Variants in CDH8 observed in about 807,000 individuals in gnomAD.
CDH8 encodes cadherin-8.
A neutral mutation model predicts 68.1 loss-of-function variants in CDH8; 17 were observed. The ratio of observed to expected loss-of-function variants is 0.25; its 90% CI spans 0.17 to 0.37. The LOEUF is 0.37. Among genes scored for constraint, CDH8 ranks in the 10% least tolerant of loss-of-function variants. CDH8 has a pLI of 1.00. For synonymous variants in CDH8, 372 were observed against 365.1 expected (o/e 1.02, Z -0.21); for missense variants, 763 against 999.3 (o/e 0.76, Z 3.19).
At chr16:61,656,695 G>A (rs980749735) in intron 10 of CDH8, among the ~76,000 whole-genome samples, 5 of 152,096 alleles carry the variant, frequency 3.3e-5, no homozygotes, top group African/African-American at 1.2e-4. Flanking sequence ...TGCAGGTGTC[G>A]GTTAATTATA....
intron 4 of CDH8, among the ~76,000 whole-genome samples, chr16:61,845,500 T>C (rs150954224): frequency 1.9e-5 from 2 of 108,004 alleles, no homozygotes; most frequent in Non-Finnish European, 3.9e-5. Context: ...TCTCCAGATA[T>C]GTAAAAAAAA....
At chr16:61,790,224 G>A (rs561821759) in intron 7 of CDH8, among the ~76,000 whole-genome samples, 9 of 152,124 alleles carry the variant, frequency 5.9e-5, no homozygotes, top group South Asian at 4.1e-4. Flanking sequence ...AAGAAAATAC[G>A]TGAGATGTGT....
At chr16:61,881,597 G>C (rs983648320) in intron 3 of CDH8, among the ~76,000 whole-genome samples, 3 of 152,152 alleles carry the variant, frequency 2.0e-5, no homozygotes, top group Non-Finnish European at 2.9e-5. Context: ...TACTGACTAA[G>C]GTAAATCAGG....
chr16:61,908,335 C>A (rs1964098013), intron 2 of CDH8, among the ~76,000 whole-genome samples: 2 of 152,074 alleles, frequency 1.3e-5, no homozygotes, highest in Admixed American at 1.3e-4. Context: ...TAGTTTTGGG[C>A]CCAAGTCTCC....
chr16:61,881,935 C>G (rs968311705), intron 3 of CDH8, among the ~76,000 whole-genome samples: 2 of 152,184 alleles, frequency 1.3e-5, no homozygotes, highest in South Asian at 2.1e-4. Context: ...TCCCAGGTAT[C>G]TAAGCATTTC....
At chr16:61,798,841 C>A (rs1253763990) in intron 7 of CDH8, among the ~76,000 whole-genome samples, 1 of 152,156 alleles carries the variant, frequency 6.6e-6, no homozygotes, top group East Asian at 1.9e-4. Flanking sequence ...AAAAATAGTT[C>A]TGTCTTGTTT....
intron 7 of CDH8, among the ~76,000 whole-genome samples, chr16:61,801,823 G>A (rs958829305): frequency 3.3e-5 from 5 of 152,292 alleles, no homozygotes; most frequent in Non-Finnish European, 5.9e-5. Flanking sequence ...CTACGCCCAC[G>A]GAGTCTCGCT....
intron 10 of CDH8, among the ~76,000 whole-genome samples, chr16:61,679,457 T>C (rs1159960925): frequency 6.6e-6 from 1 of 152,028 alleles, no homozygotes; most frequent in Non-Finnish European, 1.5e-5. Context: ...GCAATTAGCA[T>C]CTGTCAGACA....
At chr16:61,992,077 T>TGTGTGTGTGTGTGTGTGTGA (rs34925928) in intron 2 of CDH8, among the ~76,000 whole-genome samples, 21 of 144,246 alleles carry the variant, frequency 1.5e-4, no homozygotes, top group East Asian at 6.4e-4. Context: ...TGTGTGTGTG[T>TGTGTGTGTGTGTGTGTGTGA]GAGAGAGAGA....
intron 2 of CDH8, among the ~76,000 whole-genome samples, chr16:61,990,015 A>T (rs776443620): frequency 2.6e-5 from 4 of 152,176 alleles, no homozygotes; most frequent in Non-Finnish European, 4.4e-5. Flanking sequence ...CAATTCCTGT[A>T]CTTCCACTTA....
intron 10 of CDH8, among the ~76,000 whole-genome samples, chr16:61,709,599 C>T (rs1017237864): frequency 1.3e-5 from 2 of 151,990 alleles, no homozygotes; most frequent in African/African-American, 4.8e-5. Context: ...TGTGTGTTTG[C>T]AGGGAGAGAT....
intron 10 of CDH8, among the ~76,000 whole-genome samples, chr16:61,676,501 C>T (rs1396581987): frequency 6.6e-6 from 1 of 151,774 alleles, no homozygotes; most frequent in African/African-American, 2.4e-5. Context: ...AATGGATTAA[C>T]AGAATAAAGT....
chr16:61,831,777 C>T (rs943098703), intron 4 of CDH8, among the ~76,000 whole-genome samples: 7 of 151,770 alleles, frequency 4.6e-5, no homozygotes, highest in Non-Finnish European at 7.4e-5. Flanking sequence ...TCACTCTTCA[C>T]GGGTCTCCCA....
chr16:62,026,033 C>T (rs74530069), intron 1 of CDH8, among the ~76,000 whole-genome samples: 2,686 of 152,204 alleles, frequency 0.018, 31 homozygotes, highest in Middle Eastern at 0.041. Context: ...AAAAGAAAGA[C>T]CAGCAATAGT....
At chr16:61,824,061 G>A (rs1369796582) in intron 5 of CDH8, among the ~76,000 whole-genome samples, 1 of 151,696 alleles carries the variant, frequency 6.6e-6, no homozygotes, top group Non-Finnish European at 1.5e-5. Context: ...AAGAAGTTGT[G>A]GTGTATATTT....
At position 61,900,569 on chromosome 16, in the gene CDH8, AC is replaced by A. The variant is rs1804565642; in HGVS notation, c.547+609del. Among the ~76,000 whole-genome samples, 5 of 152,320 alleles carry A rather than the reference AC, an allele frequency of 3.3e-5. No homozygotes were observed. In the South Asian group the frequency reaches 1.0e-3, roughly 32 times the overall value. The stretch of plus-strand genomic sequence containing the variant: ...GAATAAAATCATGTTTGAAATACAG[AC>A]TGCTCTGTAATATGTGATGGAGTCT... On this transcript the variant is annotated intron_variant, in intron 3 of 11. Coordinates refer to ENST00000577390, the MANE Select transcript of CDH8 (RefSeq NM_001796.5).
chr16:61,710,867 TTTAA>T (rs1283984600), intron 10 of CDH8: 1 of 152,026 alleles, frequency 6.6e-6, no homozygotes, highest in Non-Finnish European at 1.5e-5. Context: ...TCTTGTTATA[TTTAA>T]TTGTTAGCTA....
chr16:61,959,497 G>C (rs543725394), intron 2 of CDH8, among the ~76,000 whole-genome samples: 1 of 149,878 alleles, frequency 6.7e-6, no homozygotes, highest in Non-Finnish European at 1.5e-5. Context: ...CTGGTTACTC[G>C]CAAAAGCCAG....
intron 2 of CDH8, among the ~76,000 whole-genome samples, chr16:61,998,940 A>G (rs1965850263): frequency 6.6e-6 from 1 of 152,188 alleles, no homozygotes; most frequent in East Asian, 1.9e-4. Flanking sequence ...GGAAGGATAG[A>G]TATTATATGG....
Sources: gnomAD v4.1 joint callset for allele counts (sites outside exome capture counted in the v4.1 genomes callset) on GRCh38, gnomAD v4.1.1 for gene constraint, MANE v1.5 for transcripts, NCBI Gene and HGNC (gene_info 2026-07-23, HGNC 2026-07-21) for gene names.